The following MEI4 variants were observed in gnomAD, a reference collection of about 807,000 sequenced individuals.
The protein encoded by MEI4 is meiotic double-stranded break formation protein 4, also known as meiosis-specific protein MEI4.
In MEI4, 27 loss-of-function variants were observed where a neutral mutation model predicts 31.4. The observed-to-expected ratio is 0.86, with a 90% CI of 0.63 to 1.19. The LOEUF (loss-of-function observed/expected upper bound fraction) is 1.19. MEI4 is among the 50% of genes most tolerant of loss of function. The probability of loss-of-function intolerance (pLI) is 0.00; values close to 1 mark genes in which losing one functional copy is unlikely to be tolerated. For synonymous variants in MEI4, 122 were observed against 145.4 expected, an observed-to-expected ratio of 0.84 and a Z score of 1.16; for missense variants, 329 against 398.9, an observed-to-expected ratio of 0.82 and a Z score of 1.49.
At chr6:77,707,359 A>T (rs1561952986) in intron 2 of MEI4, among the ~76,000 whole-genome samples, 1 of 152,210 alleles carries the variant, frequency 6.6e-6, no homozygotes, top group Non-Finnish European at 1.5e-5. Context: ...AATGTTTAGC[A>T]TTCAAGATGT....
At chr6:77,727,055 C>A (rs370198835) in intron 2 of MEI4, among the ~76,000 whole-genome samples, 3 of 152,070 alleles carry the variant, frequency 2.0e-5, no homozygotes, top group Non-Finnish European at 4.4e-5. Context: ...TTTTTTGGTA[C>A]CTGCAAGATC....
At chr6:77,770,089 A>G (rs1768274669) in intron 3 of MEI4, among the ~76,000 whole-genome samples, 2 of 152,098 alleles carry the variant, frequency 1.3e-5, no homozygotes, top group African/African-American at 4.8e-5. Flanking sequence ...CTAGACTAAG[A>G]GTAAAGAGAG....
chr6:77,889,668 G>A (rs181454790), intron 4 of MEI4, among the ~76,000 whole-genome samples: 2 of 152,322 alleles, frequency 1.3e-5, no homozygotes, highest in Admixed American at 6.5e-5. Context: ...AAGACAATGG[G>A]GAACATGTCT....
chr6:77,807,027 T>C (rs1769458161), intron 3 of MEI4, among the ~76,000 whole-genome samples: 1 of 152,160 alleles, frequency 6.6e-6, no homozygotes, highest in Admixed American at 6.6e-5. Flanking sequence ...TGCTTTGTTT[T>C]GTTTTCCCTG....
chr6:77,840,076 A>G (rs115744923), intron 4 of MEI4, among the ~76,000 whole-genome samples: 110 of 152,318 alleles, frequency 7.2e-4, no homozygotes, highest in African/African-American at 2.5e-3. Context: ...TAACCAGATA[A>G]TTAGGAAATA....
rs149357218 is a variant in MEI4 at position 77,777,658 on chromosome 6, T to G, written c.768+15993T>G. On this transcript the variant is annotated intron_variant, in intron 3 of 4. Transcript: ENST00000684080. ...CACGAACCAAGAGCTTCTAGTTAGC[T>G]TTCAGTCCTTGCTCTTAAGTATACC... is the stretch of plus-strand genomic sequence containing the variant. Among the ~76,000 whole-genome samples the G allele has an allele frequency of 3.4e-3, 512 of 152,312 alleles. 2 individuals are homozygous for G. The highest frequency in any genetic ancestry group is 0.012 in the African/African-American group (499 of 41,584).
chr6:77,835,561 T>G lies in MEI4; in HGVS notation c.900+6499T>G, dbSNP rs140138098. Reference sequence around the variant, plus strand: ...AAACAATAAAATGTTTCATACTGATTATATTGACACAATATCTTTTTAAAA... The same window carrying G: ...AAACAATAAAATGTTTCATACTGATGATATTGACACAATATCTTTTTAAAA... On this transcript the variant is annotated intron_variant, in intron 4 of 4. Transcript: ENST00000684080. Among the ~76,000 whole-genome samples the G allele has an allele frequency of 1.4e-3, 213 of 152,194 alleles. 1 individual carries two copies. Among genetic ancestry groups the G allele is most frequent in the African/African-American group, 4.5e-3 (187 of 41,552 alleles).
At chr6:77,889,822 T>A (rs575024424) in intron 4 of MEI4, among the ~76,000 whole-genome samples, 1 of 152,196 alleles carries the variant, frequency 6.6e-6, no homozygotes, top group Admixed American at 6.5e-5. Context: ...CTCTGCTGCT[T>A]TAGCTCTAGC....
intron 2 of MEI4, among the ~76,000 whole-genome samples, chr6:77,697,993 T>C (rs527317819): frequency 6.6e-6 from 1 of 152,350 alleles, no homozygotes; most frequent in East Asian, 1.9e-4. Context: ...GCTCTTCTTG[T>C]TGAATTGATC....
intron 3 of MEI4, among the ~76,000 whole-genome samples, chr6:77,790,660 A>G (rs1366843379): frequency 6.6e-6 from 1 of 152,178 alleles, no homozygotes; most frequent in Non-Finnish European, 1.5e-5. Flanking sequence ...AACTGAAAGC[A>G]AGATCAACCC....
At position 77,850,359 on chromosome 6, in the gene MEI4, G is replaced by T. The variant is rs1770586417; in HGVS notation, c.900+21297G>T. On this transcript the variant is annotated intron_variant, in intron 4 of 4. Coordinates refer to ENST00000684080, the MANE Select transcript of MEI4 (RefSeq NM_001322247.2). ...CTAAGCCAAAAGAACAAAGCTGGAG[G>T]CATCACACTCCCTGACTTCAAACTT... 2.6e-5 allele frequency among the ~76,000 whole-genome samples: 4 copies of T among 152,250 alleles called. No individual in the cohort carries two copies. The South Asian group carries it at 8.3e-4, about 32-fold the overall frequency.
intron 4 of MEI4, among the ~76,000 whole-genome samples, chr6:77,841,333 A>ATATATATT: frequency 3.6e-4 from 10 of 27,736 alleles, no homozygotes; most frequent in African/African-American, 2.6e-3. Context: ...ATATATATAT[A>ATATATATT]TTTTTTTTTT....
chr6:77,874,396 GCTCT>G lies in MEI4; in HGVS notation c.900+45337_900+45340del, dbSNP rs374434689. 3.9e-5 allele frequency among the ~76,000 whole-genome samples: 6 copies of G among 152,230 alleles called. No homozygotes were observed. In the South Asian group the frequency reaches 1.0e-3, roughly 26 times the overall value. On this transcript the variant is annotated intron_variant, in intron 4 of 4. Coordinates refer to ENST00000684080, the MANE Select transcript of MEI4 (RefSeq NM_001322247.2). ...TGAATGGGAATTCACTCATGATTCA[GCTCT>G]CTGTTTGTCTGTTATTGGTGTATAA...
chr6:77,670,113 A>G (rs1042812765), intron 1 of MEI4, among the ~76,000 whole-genome samples: 1 of 152,108 alleles, frequency 6.6e-6, no homozygotes, highest in South Asian at 2.1e-4. Flanking sequence ...AGCTCCCATC[A>G]CTAGATAATT....
intron 4 of MEI4, among the ~76,000 whole-genome samples, chr6:77,858,936 T>G (rs1398175777): frequency 6.7e-6 from 1 of 150,320 alleles, no homozygotes; most frequent in Non-Finnish European, 1.5e-5. Context: ...GACACATGTG[T>G]AAAACGTGCA....
intron 4 of MEI4, among the ~76,000 whole-genome samples, chr6:77,838,667 C>T (rs1203722361): frequency 3.3e-5 from 5 of 151,962 alleles, no homozygotes; most frequent in South Asian, 2.1e-4. Context: ...TTTGGGAGGG[C>T]GAGGCGAGTG....
At chr6:77,817,173 A>G (rs550252211) in intron 3 of MEI4, among the ~76,000 whole-genome samples, 2 of 152,278 alleles carry the variant, frequency 1.3e-5, no homozygotes, top group South Asian at 2.1e-4. Flanking sequence ...TATAATAGGT[A>G]TTAAGGGCAG....
chr6:77,692,782 G>T lies in MEI4; in HGVS notation c.232+1879G>T, dbSNP rs929807206. Among the ~76,000 whole-genome samples, 9 of 152,124 alleles carry T rather than the reference G, an allele frequency of 5.9e-5. No individual in the cohort carries two copies. The South Asian group carries it at 6.2e-4, about 11-fold the overall frequency. On this transcript the variant is annotated intron_variant, in intron 2 of 4. Coordinates refer to ENST00000684080, the MANE Select transcript of MEI4 (RefSeq NM_001322247.2). ...CAGAAATAAGCTAATAGGACAAAAG[G>T]TTGAGCCCAAGTTTCTCTGAGTGTA...
intron 3 of MEI4, among the ~76,000 whole-genome samples, chr6:77,793,441 A>G (rs1437076288): frequency 6.6e-6 from 1 of 152,236 alleles, no homozygotes. Context: ...AGATGAAAAT[A>G]CATGAAATGA....
Sources: gnomAD v4.1 joint callset for allele counts (sites outside exome capture counted in the v4.1 genomes callset) on GRCh38, gnomAD v4.1.1 for gene constraint, MANE v1.5 for transcripts, NCBI Gene and HGNC (gene_info 2026-07-23, HGNC 2026-07-21) for gene names.